Variants in SLC1A6 observed in about 807,000 individuals in gnomAD.
SLC1A6 encodes the protein excitatory amino acid transporter 4.
In SLC1A6, 15 loss-of-function variants were observed where a neutral mutation model predicts 42.1. That is an observed-to-expected ratio of 0.36 (90% confidence interval 0.24 to 0.55). SLC1A6 has a LOEUF of 0.55. Ranked by LOEUF, SLC1A6 falls within the 20% of genes least tolerant of loss-of-function variation. SLC1A6 has a pLI of 0.88. For synonymous variants in SLC1A6, 317 were observed against 319.7 expected (o/e 0.99, Z 0.09); for missense variants, 542 against 772.5 (o/e 0.70, Z 3.54).
intron 3 of SLC1A6, 126 bp downstream of exon 3, chr19:14,971,611 C>T (rs1190771396): frequency 8.4e-6 from 8 of 953,942 alleles, no homozygotes; most frequent in South Asian, 3.2e-5. Context: ...CTGGACCAGA[C>T]ACAGGCTCCA....
At chr19:14,963,858 TG>T (rs2045543398) in intron 5 of SLC1A6, among the ~76,000 whole-genome samples, 2 of 151,302 alleles carry the variant, frequency 1.3e-5, no homozygotes, top group Non-Finnish European at 2.9e-5. Flanking sequence ...TTTTTTGATA[TG>T]GGGTCTTGCT....
At chr19:14,984,084 C>A (rs1406091628), upstream of SLC1A6, among the ~76,000 whole-genome samples, 1 of 151,526 alleles carries the variant, frequency 6.6e-6, no homozygotes, top group Non-Finnish European at 1.5e-5. Context: ...CTGAGGCGGG[C>A]GGATCATCTG....
At chr19:14,954,358 G>GA in intron 7 of SLC1A6, 29 bp from the exon 8 acceptor site, 1 of 1,591,978 alleles carries the variant, frequency 6.3e-7, no homozygotes, top group Non-Finnish European at 8.5e-7. Context: ...GACTGAGGAT[G>GA]GGGCGTGGCC....
chr19:14,952,179 T>C (rs12973102), intron 9 of SLC1A6, among the ~76,000 whole-genome samples: 109,840 of 151,354 alleles, frequency 0.73, 40,312 homozygotes, highest in African/African-American at 0.84. Flanking sequence ...GCAGCTCACA[T>C]CTGTAGTCCC....
In SLC1A6 at chr19:14,972,879, C is replaced by T. The variant is rs202188671; in HGVS notation, c.32G>A (p.Arg11Gln). The change falls in exon 2 of 10, where the codon CGG becomes CAG. Residue 11 changes from arginine to glutamine, a missense_variant. Transcript: ENST00000594383. Reference protein sequence around the residue: MSSHGNSLFLRESGQRLGRVG... With the variant: MSSHGNSLFLQESGQRLGRVG... ...CCGGCCCAGCCGCTGGCCGCTCTCCCGCAGGAACAGGCTGTTGCCATGGCT... is the reference window on the plus strand; with the variant it reads ...CCGGCCCAGCCGCTGGCCGCTCTCCTGCAGGAACAGGCTGTTGCCATGGCT... 8.1e-6 allele frequency: 13 copies of T among 1,600,428 alleles called. No homozygotes were observed. In the East Asian group the frequency reaches 2.7e-4, roughly 33 times the overall value.
chr19:14,986,595 C>CTTT (rs34762676), intron 1 of SLC1A6, among the ~76,000 whole-genome samples: 4 of 145,978 alleles, frequency 2.7e-5, no homozygotes, highest in Non-Finnish European at 4.5e-5. Context: ...ATGAAACTGG[C>CTTT]TTTTTTTTTT....
rs192620622 is a variant in SLC1A6 at position 14,959,671 on chromosome 19, C to T, written c.935+2331G>A. On this transcript the variant is annotated intron_variant, in intron 6 of 9. Transcript: ENST00000594383. The stretch of plus-strand genomic sequence containing the variant: ...TTCCACCACCACTCCCAACTTACCC[C>T]ATGCTCTCACCTTCCTGAATGCCCC... Among the ~76,000 whole-genome samples the T allele has an allele frequency of 1.6e-3, 242 of 152,292 alleles. 1 individual carries two copies. The highest frequency in any genetic ancestry group is 5.7e-3 in the African/African-American group (237 of 41,568).
rs757424349 is a variant in SLC1A6 at position 14,962,356 on chromosome 19, G to A, written c.592-11C>T. 1 of 1,598,722 alleles carries A rather than the reference G, an allele frequency of 6.3e-7. No homozygotes were observed. Among genetic ancestry groups the A allele is most frequent in the Non-Finnish European group, 8.6e-7 (1 of 1,168,066 alleles). ...GTACTGCGTCTTGAACTGAAATAGA[G>A]AGAGATTGCGCCCAGATTCAATTCA... On this transcript the variant is annotated splice_polypyrimidine_tract_variant and intron_variant, in intron 5 of 9. Transcript: ENST00000594383.
At chr19:14,954,685 G>A (rs552362637) in intron 7 of SLC1A6, among the ~76,000 whole-genome samples, 116 of 152,256 alleles carry the variant, frequency 7.6e-4, no homozygotes, top group African/African-American at 2.8e-3. Flanking sequence ...CATTGAGCAG[G>A]CCAGGTGGGG....
Position 14,972,926 on chromosome 19 carries a change from AAC to A in SLC1A6, c.-7-11_-7-10del. ...GGCTGCTCATGGTCTATCTGCGGGA[AAC>A]AGAGAAGCCTGGGGCTGGTGAGGGC... On this transcript the variant is annotated splice_polypyrimidine_tract_variant and intron_variant, in intron 1 of 9. Transcript: ENST00000594383. The A allele has an allele frequency of 6.4e-7, 1 of 1,554,152 alleles. No homozygotes were observed. The highest frequency in any genetic ancestry group is 8.7e-7 in the Non-Finnish European group (1 of 1,147,062).
Position 14,962,291 on chromosome 19 carries a change from T to C in SLC1A6, c.646A>G (p.Asn216Asp). 3.1e-6 allele frequency: 5 copies of C among 1,614,158 alleles called. No homozygotes were observed. Among genetic ancestry groups the C allele is most frequent in the Non-Finnish European group, 4.2e-6 (5 of 1,180,030 alleles). ...VVTRTMVRTE[N>D]GSEPGASMPP... ...ATGGAGGCACCCGGCTCAGACCCGTTCTCTGTCCTCACCATGGTCCTGGTT... is the reference window on the plus strand; with the variant it reads ...ATGGAGGCACCCGGCTCAGACCCGTCCTCTGTCCTCACCATGGTCCTGGTT... The change falls in exon 6 of 10, where the codon AAC becomes GAC. Residue 216 changes from asparagine to aspartate, a missense_variant. Physicochemically the swap from Asn to Asp is conservative, Grantham distance 23. Coordinates refer to ENST00000594383, the MANE Select transcript of SLC1A6 (RefSeq NM_005071.3).
chr19:14,954,401 C>T, intron 7 of SLC1A6, 72 bp from the exon 8 acceptor site: 1 of 1,393,076 alleles, frequency 7.2e-7, no homozygotes, highest in Non-Finnish European at 1.0e-6. Flanking sequence ...AGGGTGTGGC[C>T]TAGTGGGGCA....
chr19:15,003,349 C>A (rs2145242931), intron 1 of SLC1A6, among the ~76,000 whole-genome samples: 1 of 152,322 alleles, frequency 6.6e-6, no homozygotes, highest in African/African-American at 2.4e-5. Flanking sequence ...CACTGACCAG[C>A]AAGGTCACTG....
intron 1 of SLC1A6, chr19:14,978,214 G>C (rs1487382369): frequency 6.6e-6 from 1 of 152,144 alleles, no homozygotes; most frequent in African/African-American, 2.4e-5. Context: ...TGGTTCTCCC[G>C]ACCTCTAGAC....
chr19:14,954,055 C>CCAACCA, intron 8 of SLC1A6, 80 bp downstream of exon 8: 1 of 1,100,474 alleles, frequency 9.1e-7, no homozygotes, highest in Non-Finnish European at 1.3e-6. Flanking sequence ...GAGGCCCCCT[C>CCAACCA]CTCCCTCCCC....
At chr19:14,994,329 C>T (rs571864998) in intron 1 of SLC1A6, among the ~76,000 whole-genome samples, 6 of 152,218 alleles carry the variant, frequency 3.9e-5, no homozygotes, top group African/African-American at 1.2e-4. Flanking sequence ...CCCTAGACTG[C>T]AGAGCACAAG....
At chr19:15,006,770 A>AAAAG (rs570415831) in intron 1 of SLC1A6, among the ~76,000 whole-genome samples, 6,654 of 149,194 alleles carry the variant, frequency 0.045, 242 homozygotes, top group African/African-American at 0.093. Flanking sequence ...CAAAAAAAAA[A>AAAAG]AAAGAAAAAG....
intron 9 of SLC1A6, among the ~76,000 whole-genome samples, chr19:14,951,499 G>A (rs1599975500): frequency 8.1e-6 from 1 of 123,362 alleles, no homozygotes; most frequent in East Asian, 2.3e-4. Context: ...TGGTTTTGTT[G>A]TTGTTGCTGG....
At chr19:14,968,532 C>T (rs763562021) in intron 3 of SLC1A6, 25 bp from the exon 4 acceptor site, 13 of 1,582,548 alleles carry the variant, frequency 8.2e-6, no homozygotes, top group Admixed American at 1.7e-5. Flanking sequence ...ATGTGGCCCC[C>T]GCAGCTCCAT....
Sources: gnomAD v4.1 joint callset for allele counts (sites outside exome capture counted in the v4.1 genomes callset) on GRCh38, gnomAD v4.1.1 for gene constraint, MANE v1.5 for transcripts, NCBI Gene and HGNC (gene_info 2026-07-23, HGNC 2026-07-21) for gene names.